The following STXBP2 variants were observed in gnomAD, a reference collection of about 807,000 sequenced individuals.
STXBP2 encodes the protein syntaxin-binding protein 2.
A neutral mutation model predicts 72.2 loss-of-function variants in STXBP2; 47 were observed. That is an observed-to-expected ratio of 0.65 (90% CI 0.51 to 0.83). The LOEUF (loss-of-function observed/expected upper bound fraction) is 0.83. Among genes scored for constraint, STXBP2 ranks in the 40% least tolerant of loss-of-function variants. The pLI, the probability that STXBP2 is intolerant of heterozygous loss-of-function variation, is 0.00. For missense variants in STXBP2, 702 were observed against 807.6 expected, an observed-to-expected ratio of 0.87 and a Z score of 1.58; for synonymous variants, 367 against 338.7, an observed-to-expected ratio of 1.08 and a Z score of -0.92.
At chr19:7,632,922 G>A (rs752860754), upstream of STXBP2, 2 of 1,500,136 alleles carry the variant, frequency 1.3e-6, no homozygotes, top group African/African-American at 2.8e-5. The surrounding 1 kb of genome is among the most constrained non-coding windows in gnomAD (Gnocchi z 5.2). Context: ...CTGACCCCGG[G>A]GCCTGCCGTC....
intron 16 of STXBP2, chr19:7,646,719 A>C: frequency 1.1e-5 from 4 of 376,398 alleles, no homozygotes; most frequent in East Asian, 5.8e-5. Flanking sequence ...TTGTCCCTCT[A>C]AGAGCCCCGG....
At chr19:7,647,106 C>A in intron 16 of STXBP2, 56 bp from the exon 17 acceptor site, 1 of 1,590,648 alleles carries the variant, frequency 6.3e-7, no homozygotes, top group Non-Finnish European at 8.6e-7. Flanking sequence ...GGGGGCACTC[C>A]TGACCCCGGA....
chr19:7,632,930 GT>G (rs1599380988), upstream of STXBP2: 1 of 1,493,630 alleles, frequency 6.7e-7, no homozygotes, highest in Non-Finnish European at 8.9e-7. The surrounding 1 kb of genome is among the most constrained non-coding windows in gnomAD (Gnocchi z 5.2). Context: ...GGGGCCTGCC[GT>G]CCCCACTTCC....
rs775179959 is a variant in STXBP2 at position 7,640,949 on chromosome 19, G to C, written c.375G>C (p.Lys125Asn). The C allele has an allele frequency of 2.5e-6, 4 of 1,614,198 alleles. No individual in the cohort carries two copies. In the South Asian group the frequency reaches 4.4e-5, roughly 18 times the overall value. ...AGCTAGGCCGCTCTCGTCTGGCAAAGGTGGTGAAGACGTTGAAGGAGATTC... is the reference window on the plus strand; with the variant it reads ...AGCTAGGCCGCTCTCGTCTGGCAAACGTGGTGAAGACGTTGAAGGAGATTC... ...FSELGRSRLAKVVKTLKEIHL... is the reference protein window; with the variant it reads ...FSELGRSRLANVVKTLKEIHL... Residue 125 changes from lysine to asparagine, a missense_variant, in exon 6 of 19, where the codon AAG becomes AAC. By Grantham distance (94) the Lys-to-Asn change is moderately conservative. Coordinates refer to ENST00000221283, the MANE Select transcript of STXBP2 (RefSeq NM_006949.4).
At chr19:7,645,952 T>C (rs1399018795) in intron 15 of STXBP2, 1 of 510,162 alleles carries the variant, frequency 2.0e-6, no homozygotes, top group African/African-American at 1.9e-5. Context: ...ATCTCTTGTC[T>C]CTCTCTTTGC....
At chr19:7,639,352 T>A in intron 3 of STXBP2, 1 of 611,582 alleles carries the variant, frequency 1.6e-6, no homozygotes, top group Non-Finnish European at 2.9e-6. Context: ...TTCCTGACCG[T>A]GCAGCTCCCT....
At chr19:7,644,029 CCTGGGTGAGGGGTGGAGCCTTGGAGAGG>C in intron 13 of STXBP2, among the ~76,000 whole-genome samples, 2 of 143,504 alleles carry the variant, frequency 1.4e-5, no homozygotes, top group South Asian at 2.2e-4. Flanking sequence ...AGAGGTGGGA[CCTGGGTGAGGGGTGGAGCCTTGGAGAGG>C]TGGGACCTGG....
At chr19:7,632,638 G>A, upstream of STXBP2, 1 of 1,571,412 alleles carries the variant, frequency 6.4e-7, no homozygotes, top group Non-Finnish European at 8.6e-7. The surrounding 1 kb of genome is among the most constrained non-coding windows in gnomAD (Gnocchi z 5.2). Flanking sequence ...CGTGCCCCCA[G>A]GCCCTCCAGA....
Position 7,644,673 on chromosome 19 carries a change from C to T in STXBP2, c.1167C>T (p.Ile389=), listed in dbSNP as rs139160342. 4.3e-4 allele frequency: 697 copies of T among 1,613,710 alleles called. 3 individuals are homozygous for T. In the Admixed American group the frequency reaches 9.4e-3, roughly 22 times the overall value. Residue 389 remains isoleucine (I), a synonymous_variant, in exon 14 of 19, where the codon ATC becomes ATT. Coordinates refer to ENST00000221283, the MANE Select transcript of STXBP2 (RefSeq NM_006949.4). ...GEKIKDSMKL[I]VPVLLDAAVP... is the part of the protein sequence containing the mutation. ...AGATCAAGGACTCCATGAAGCTGATCGTTCCGGTGCTGCTGGACGCGGCGG... is the reference window on the plus strand; with the variant it reads ...AGATCAAGGACTCCATGAAGCTGATTGTTCCGGTGCTGCTGGACGCGGCGG...
chr19:7,629,892 G>T, the STXBP2 span: 1 of 1,511,742 alleles, frequency 6.6e-7, no homozygotes, highest in East Asian at 2.5e-5. Flanking sequence ...TTGGGAGGCT[G>T]GGCAGGGGAT....
chr19:7,645,064 A>C, intron 14 of STXBP2, 133 bp from the exon 15 acceptor site: 1 of 1,455,888 alleles, frequency 6.9e-7, no homozygotes, highest in South Asian at 1.3e-5. Context: ...ACACTAGCAC[A>C]GGGTACTGAG....
chr19:7,639,546 C>T (rs889567794), intron 3 of STXBP2, 185 bp from the exon 4 acceptor site: 8 of 652,816 alleles, frequency 1.2e-5, no homozygotes, highest in Non-Finnish European at 1.9e-5. Flanking sequence ...ACCCAGTTGG[C>T]TGCACAACCC....
chr19:7,631,086 T>C, the STXBP2 span: 1 of 736,412 alleles, frequency 1.4e-6, no homozygotes, highest in Non-Finnish European at 2.1e-6. Context: ...CAGGCGCCTA[T>C]AATTCCAGCT....
intron 15 of STXBP2, 52 bp from the exon 16 acceptor site, chr19:7,646,197 A>T: frequency 2.6e-6 from 4 of 1,509,886 alleles, no homozygotes; most frequent in Non-Finnish European, 3.6e-6. Flanking sequence ...CCCCTCTGTG[A>T]CCAGCCTCCT....
rs531104121 is a variant in STXBP2 at position 7,642,908 on chromosome 19, G to A, written c.961-75G>A. On this transcript the variant is annotated intron_variant, in intron 11 of 18. Transcript: ENST00000221283. This position sits in a 1 kb window ranked among gnomAD's most constrained non-coding sequence, Gnocchi z 6.0. ...CGCAGGGCCACAGCCTGGATTTCGAGCCTGGACTGAGACCCAGGTGGGCAC... is the reference window on the plus strand; with the variant it reads ...CGCAGGGCCACAGCCTGGATTTCGAACCTGGACTGAGACCCAGGTGGGCAC... 2.5e-5 allele frequency: 41 copies of A among 1,612,916 alleles called. No individual in the cohort carries two copies. The South Asian group carries it at 4.1e-4, about 16-fold the overall frequency.
At chr19:7,631,352 C>T in the STXBP2 span, 1 of 1,369,810 alleles carries the variant, frequency 7.3e-7, no homozygotes, top group Non-Finnish European at 9.5e-7. Flanking sequence ...AGTGAAGACA[C>T]TGAACCCTGA....
intron 14 of STXBP2, 71 bp downstream of exon 14, chr19:7,644,823 A>G (rs1246984395): frequency 6.2e-7 from 1 of 1,609,426 alleles, no homozygotes; most frequent in Admixed American, 1.7e-5. Context: ...GGAACTGCTG[A>G]ACCCCACAGC....
chr19:7,638,976 C>T, intron 2 of STXBP2, 43 bp from the exon 3 acceptor site: 1 of 1,612,520 alleles, frequency 6.2e-7, no homozygotes, highest in Non-Finnish European at 8.5e-7. Context: ...GCTGTGGCCT[C>T]TTCCGCCTGC....
upstream of STXBP2, chr19:7,632,031 A>G (rs944606024): frequency 2.1e-6 from 1 of 484,932 alleles, no homozygotes; most frequent in African/African-American, 2.0e-5. The surrounding 1 kb of genome is among the most constrained non-coding windows in gnomAD (Gnocchi z 5.2). Context: ...AGCTTCGTGT[A>G]TGTGTGAAGT....
Sources: gnomAD v4.1 joint callset for allele counts (sites outside exome capture counted in the v4.1 genomes callset) on GRCh38, gnomAD v4.1.1 for gene constraint, Gnocchi (gnomAD v3.1) non-coding constraint, MANE v1.5 for transcripts, NCBI Gene and HGNC (gene_info 2026-07-23, HGNC 2026-07-21) for gene names.